PPFIBP1: variants seen among roughly 807,000 people sequenced by gnomAD.
PPFIBP1 encodes liprin-beta-1.
In PPFIBP1, 112 loss-of-function variants were observed where a neutral mutation model predicts 137.8. That is an observed-to-expected ratio of 0.81 (90% CI 0.70 to 0.95). PPFIBP1 has a LOEUF of 0.95. PPFIBP1 is among the 40% of genes least tolerant of loss of function. The pLI, the probability that PPFIBP1 is intolerant of heterozygous loss-of-function variation, is 0.00. For missense variants in PPFIBP1, 1,083 were observed against 1,196.6 expected, an observed-to-expected ratio of 0.91 and a Z score of 1.40; for synonymous variants, 378 against 417.3, an observed-to-expected ratio of 0.91 and a Z score of 1.15.
At chr12:27,648,939 C>T (rs1437401920) in intron 6 of PPFIBP1, among the ~76,000 whole-genome samples, 9 of 151,830 alleles carry the variant, frequency 5.9e-5, no homozygotes, top group African/African-American at 1.9e-4. Flanking sequence ...TTTAGTAGCA[C>T]GTCAGGGTGA....
intron 4 of PPFIBP1, among the ~76,000 whole-genome samples, chr12:27,639,898 A>G (rs2057988836): frequency 6.6e-6 from 1 of 152,144 alleles, no homozygotes; most frequent in African/African-American, 2.4e-5. Context: ...CAGCCCCACG[A>G]AGCAGTCCCC....
At chr12:27,591,628 A>G (rs1403804002) in intron 2 of PPFIBP1, among the ~76,000 whole-genome samples, 1 of 152,222 alleles carries the variant, frequency 6.6e-6, no homozygotes, top group Non-Finnish European at 1.5e-5. Flanking sequence ...TTGCAACAAC[A>G]GTAATAATAT....
intron 2 of PPFIBP1, among the ~76,000 whole-genome samples, chr12:27,605,086 T>C (rs2137905876): frequency 6.6e-6 from 1 of 152,282 alleles, no homozygotes; most frequent in Non-Finnish European, 1.5e-5. Context: ...AGATGAGATT[T>C]GGGTGGGGAC....
At chr12:27,644,540 C>T (rs2058342950) in intron 4 of PPFIBP1, among the ~76,000 whole-genome samples, 2 of 152,080 alleles carry the variant, frequency 1.3e-5, no homozygotes, top group South Asian at 4.2e-4. Context: ...CCTGTCTTGG[C>T]ACTTTCTTAA....
chr12:27,657,808 G>T (rs949102311), intron 9 of PPFIBP1, among the ~76,000 whole-genome samples: 1 of 152,002 alleles, frequency 6.6e-6, no homozygotes, highest in African/African-American at 2.4e-5. Flanking sequence ...ATGCTTTCAG[G>T]GTTTTAAGAA....
intron 13 of PPFIBP1, among the ~76,000 whole-genome samples, chr12:27,667,730 G>A (rs1479864524): frequency 1.3e-5 from 2 of 152,198 alleles, no homozygotes; most frequent in Non-Finnish European, 2.9e-5. Context: ...GCATCAGCTG[G>A]AGTGGCGTGA....
At chr12:27,621,741 T>C (rs7954273) in intron 2 of PPFIBP1, among the ~76,000 whole-genome samples, 1 of 151,996 alleles carries the variant, frequency 6.6e-6, no homozygotes, top group African/African-American at 2.4e-5. Flanking sequence ...AGATTATTTA[T>C]AAAAACTTAT....
At chr12:27,567,110 T>G (rs1185017141) in intron 1 of PPFIBP1, among the ~76,000 whole-genome samples, 1 of 152,224 alleles carries the variant, frequency 6.6e-6, no homozygotes, top group Non-Finnish European at 1.5e-5. Flanking sequence ...AAGGAAAAAT[T>G]AACCTACGTG....
chr12:27,660,493 CT>C (rs1313081092), intron 10 of PPFIBP1, among the ~76,000 whole-genome samples: 1 of 152,156 alleles, frequency 6.6e-6, no homozygotes, highest in Non-Finnish European at 1.5e-5. Context: ...ATTTTCTCTG[CT>C]TTTGTCATTA....
intron 1 of PPFIBP1, among the ~76,000 whole-genome samples, chr12:27,532,378 C>A (rs918001506): frequency 6.6e-6 from 1 of 151,456 alleles, no homozygotes; most frequent in East Asian, 1.9e-4. Context: ...ACCAAGCACA[C>A]GTGTATGGTT....
In PPFIBP1 at chr12:27,679,642, A is replaced by G; in HGVS notation, c.1766+3A>G. 1 of 1,613,508 alleles carries G rather than the reference A, an allele frequency of 6.2e-7. No individual in the cohort carries two copies. ...GGTATCATGAAACTCTTTGGAAAGTAAGTAAAGCAGTAAACAAGTGGAATG... is the reference window on the plus strand; with the variant it reads ...GGTATCATGAAACTCTTTGGAAAGTGAGTAAAGCAGTAAACAAGTGGAATG... On this transcript the variant is annotated splice_donor_region_variant and intron_variant, in intron 20 of 29. Coordinates refer to ENST00000228425, the MANE Select transcript of PPFIBP1 (RefSeq NM_003622.4).
At chr12:27,551,098 T>C (rs2136198576) in intron 1 of PPFIBP1, among the ~76,000 whole-genome samples, 1 of 152,104 alleles carries the variant, frequency 6.6e-6, no homozygotes, top group East Asian at 1.9e-4. Context: ...GGAGATCTTC[T>C]CCAAGATCAC....
chr12:27,678,988 T>TAG (rs1387779773), intron 19 of PPFIBP1, among the ~76,000 whole-genome samples: 1 of 151,110 alleles, frequency 6.6e-6, no homozygotes, highest in African/African-American at 2.4e-5. Context: ...ATACAGAGCC[T>TAG]AGAGAGAGAG....
chr12:27,611,804 C>T (rs73080237), intron 2 of PPFIBP1, among the ~76,000 whole-genome samples: 1 of 114,092 alleles, frequency 8.8e-6, no homozygotes, highest in East Asian at 2.2e-4. Context: ...CTCTCTCTCT[C>T]TCTCTCTCTC....
intron 22 of PPFIBP1, 80 bp from the exon 23 acceptor site, chr12:27,682,307 T>G: frequency 2.0e-6 from 2 of 979,560 alleles, no homozygotes; most frequent in East Asian, 4.8e-5. Context: ...GCTAGCTTCA[T>G]TTTGGAGAAA....
intron 2 of PPFIBP1, among the ~76,000 whole-genome samples, chr12:27,610,487 G>A (rs972811120): frequency 5.9e-5 from 9 of 152,198 alleles, no homozygotes; most frequent in South Asian, 2.1e-4. Flanking sequence ...GTGTTTTACT[G>A]TGTGGAGGAA....
chr12:27,647,641 T>TC (rs561093584), intron 5 of PPFIBP1, 88 bp from the exon 6 acceptor site: 297 of 693,622 alleles, frequency 4.3e-4, no homozygotes, highest in East Asian at 2.0e-3. Context: ...GTAGGATCAT[T>TC]CCTTTTTTTG....
At chr12:27,602,259 T>G (rs1223116928) in intron 2 of PPFIBP1, among the ~76,000 whole-genome samples, 2 of 152,150 alleles carry the variant, frequency 1.3e-5, no homozygotes, top group Non-Finnish European at 2.9e-5. Context: ...GAGGACACCA[T>G]TTCCCCCTCC....
chr12:27,579,988 A>G (rs1477306640), intron 2 of PPFIBP1, among the ~76,000 whole-genome samples: 1 of 152,100 alleles, frequency 6.6e-6, no homozygotes, highest in East Asian at 1.9e-4. Flanking sequence ...ACAGGAAGGG[A>G]CTATGTAGGG....
Sources: allele counts gnomAD v4.1 joint callset (sites outside exome capture counted in the v4.1 genomes callset), GRCh38; gene constraint gnomAD v4.1.1; transcripts MANE v1.5; gene names NCBI Gene and HGNC (gene_info 2026-07-23, HGNC 2026-07-21).